Variants in GAB1 observed in about 807,000 individuals in gnomAD.
GAB1 encodes GRB2-associated-binding protein 1.
GAB1 carries 19 observed loss-of-function variants against 66.5 expected under a neutral mutation model. That is an observed-to-expected ratio of 0.29 (90% CI 0.20 to 0.42). The LOEUF (loss-of-function observed/expected upper bound fraction) is 0.42. Ranked by LOEUF, GAB1 falls within the 10% of genes least tolerant of loss-of-function variation. The pLI is 1.00. For synonymous variants in GAB1, 294 were observed against 301.4 expected (o/e 0.98, Z 0.25); for missense variants, 732 against 858.5 (o/e 0.85, Z 1.84).
intron 6 of GAB1, among the ~76,000 whole-genome samples, chr4:143,444,295 ATGT>A (rs1164856031): frequency 6.6e-6 from 1 of 152,034 alleles, no homozygotes; most frequent in African/African-American, 2.4e-5. Flanking sequence ...TGCTGTCTTT[ATGT>A]TGTTATGTTT....
chr4:143,364,661 A>C lies in GAB1; in HGVS notation c.72+27401A>C, dbSNP rs148116827. On this transcript the variant is annotated intron_variant, in intron 1 of 9. Transcript: ENST00000262994. ...GCCTCATCCTATGCGTGCTCATCAC[A>C]AGAGCATGTTTCTCCTTTGTTCTGG... Among the ~76,000 whole-genome samples, 428 of 152,178 alleles carry C rather than the reference A, an allele frequency of 2.8e-3. 1 individual carries two copies. The Middle Eastern group carries it at 0.031, about 11-fold the overall frequency.
At chr4:143,466,576 G>A (rs905720967) in intron 9 of GAB1, among the ~76,000 whole-genome samples, 18 of 130,808 alleles carry the variant, frequency 1.4e-4, no homozygotes, top group African/African-American at 4.7e-4. Flanking sequence ...TGCAACCTCC[G>A]CTTCCCAGGT....
chr4:143,357,101 G>A lies in GAB1; in HGVS notation c.72+19841G>A, dbSNP rs3805261. On this transcript the variant is annotated intron_variant, in intron 1 of 9. Coordinates refer to ENST00000262994, the MANE Select transcript of GAB1 (RefSeq NM_002039.4). Reference sequence around the variant, plus strand: ...TTTTGTCTTTGCAGAATTTAGTCCTGAAGCTCTTTCTGTGAGTCTAGCTGG... The same window carrying A: ...TTTTGTCTTTGCAGAATTTAGTCCTAAAGCTCTTTCTGTGAGTCTAGCTGG... 5.2e-4 allele frequency among the ~76,000 whole-genome samples: 79 copies of A among 152,194 alleles called. 2 individuals carry two copies. The East Asian group carries it at 0.015, about 28-fold the overall frequency.
intron 6 of GAB1, among the ~76,000 whole-genome samples, chr4:143,449,308 G>T (rs781073087): frequency 6.6e-6 from 1 of 151,320 alleles, no homozygotes; most frequent in Non-Finnish European, 1.5e-5. Context: ...TATTAGGTCC[G>T]CTTGGTGCAG....
At chr4:143,371,167 A>G (rs2149666275) in intron 1 of GAB1, among the ~76,000 whole-genome samples, 1 of 152,202 alleles carries the variant, frequency 6.6e-6, no homozygotes, top group Non-Finnish European at 1.5e-5. Flanking sequence ...TCCCACCAAC[A>G]GTGGAAAAGT....
At chr4:143,350,005 C>T (rs537784436) in intron 1 of GAB1, 34 of 1,571,688 alleles carry the variant, frequency 2.2e-5, no homozygotes, top group Non-Finnish European at 2.8e-5. Context: ...CTTGCCTCCG[C>T]GACCCCGGCC....
intron 1 of GAB1, among the ~76,000 whole-genome samples, chr4:143,373,122 C>G (rs1053668600): frequency 6.6e-6 from 1 of 152,034 alleles, no homozygotes; most frequent in Non-Finnish European, 1.5e-5. Context: ...GCTGTAAAGC[C>G]AGGTCTCCAG....
Position 143,337,053 on chromosome 4 carries a change from G to A in GAB1, c.-136G>A. On this transcript the variant is annotated 5_prime_UTR_variant, in exon 1 of 10. Transcript: ENST00000262994. Reference sequence around the variant, plus strand: ...GTGGAACCCGCGCACCGTGGAGTCTGTCCGCCCAGTCCGTCCGGGGTGCGC... The same window carrying A: ...GTGGAACCCGCGCACCGTGGAGTCTATCCGCCCAGTCCGTCCGGGGTGCGC... 4.2e-6 allele frequency: 3 copies of A among 708,566 alleles called. No homozygotes were observed. Among genetic ancestry groups the A allele is most frequent in the Non-Finnish European group, 7.1e-6 (3 of 423,302 alleles). The allele number at this position is 708,566 out of a possible 1,614,324, so 43.9% of individuals were successfully genotyped here.
intron 1 of GAB1, among the ~76,000 whole-genome samples, chr4:143,376,143 T>TA (rs1730407312): frequency 6.6e-6 from 1 of 152,122 alleles, no homozygotes; most frequent in Non-Finnish European, 1.5e-5. Flanking sequence ...CCTTTATACT[T>TA]ATGCTTTATA....
intron 2 of GAB1, among the ~76,000 whole-genome samples, chr4:143,416,077 A>G (rs546129988): frequency 5.3e-5 from 8 of 152,312 alleles, no homozygotes; most frequent in African/African-American, 1.9e-4. Flanking sequence ...ACCATATAAC[A>G]CTGTTGATAT....
chr4:143,470,945 T>C lies in GAB1; in HGVS notation c.*1756T>C, dbSNP rs1209495490. 2 of 152,218 alleles carry C rather than the reference T, an allele frequency of 1.3e-5. No individual in the cohort carries two copies. Among genetic ancestry groups the C allele is most frequent in the East Asian group, 3.8e-4 (2 of 5,200 alleles). The allele number at this position is 152,218 out of a possible 1,614,324, so 9.4% of individuals were successfully genotyped here. A position where few individuals can be genotyped will look rare whatever the true frequency, so the allele number is the denominator to read the frequency against. On this transcript the variant is annotated 3_prime_UTR_variant, in exon 10 of 10. Coordinates refer to ENST00000262994, the MANE Select transcript of GAB1 (RefSeq NM_002039.4). Reference sequence around the variant, plus strand: ...AAACTAAAACCCAGAAGTGAATTTTTAGGTGGATTTTTAAATAAAAAAGAT... The same window carrying C: ...AAACTAAAACCCAGAAGTGAATTTTCAGGTGGATTTTTAAATAAAAAAGAT...
intron 6 of GAB1, among the ~76,000 whole-genome samples, chr4:143,454,740 G>A (rs1482507740): frequency 6.6e-6 from 1 of 152,072 alleles, no homozygotes; most frequent in African/African-American, 2.4e-5. Flanking sequence ...AATTTAGTTG[G>A]CTACAACAAG....
At chr4:143,456,713 C>T (rs1735212227) in intron 6 of GAB1, among the ~76,000 whole-genome samples, 2 of 152,202 alleles carry the variant, frequency 1.3e-5, no homozygotes, top group South Asian at 4.1e-4. Context: ...AGGTAAGGTG[C>T]TAGATATCAG....
At chr4:143,433,755 G>A (rs370307911) in intron 3 of GAB1, 39 bp downstream of exon 3, 35 of 1,435,348 alleles carry the variant, frequency 2.4e-5, no homozygotes, top group African/African-American at 7.0e-5. Flanking sequence ...AGACAGAGGC[G>A]TGTGTATGTG....
In GAB1 at chr4:143,469,912, C is replaced by CA. The variant is rs1280520802; in HGVS notation, c.*726dup. 1.3e-5 allele frequency: 2 copies of CA among 152,692 alleles called. No homozygotes were observed. Among genetic ancestry groups the CA allele is most frequent in the Non-Finnish European group, 2.9e-5 (2 of 68,096 alleles). 9.5% of individuals were successfully genotyped at this position (152,692 alleles called of 1,614,324 possible). On this transcript the variant is annotated 3_prime_UTR_variant, in exon 10 of 10. Transcript: ENST00000262994. ...ATAATTACACTACCAAGTAAGCCTGCAAATCATTGATGGCATGCAGTGATG... is the reference window on the plus strand; with the variant it reads ...ATAATTACACTACCAAGTAAGCCTGCAAAATCATTGATGGCATGCAGTGATG...
intron 2 of GAB1, among the ~76,000 whole-genome samples, chr4:143,416,092 C>G (rs984899126): frequency 6.6e-6 from 1 of 152,184 alleles, no homozygotes; most frequent in East Asian, 1.9e-4. Flanking sequence ...TGATATTTTA[C>G]TATTTTTCAC....
At chr4:143,400,106 CATT>C (rs896462249) in intron 1 of GAB1, among the ~76,000 whole-genome samples, 1 of 151,972 alleles carries the variant, frequency 6.6e-6, no homozygotes, top group African/African-American at 2.4e-5. Context: ...ATGCCTGGCT[CATT>C]GTTTTGTATT....
chr4:143,422,420 A>G (rs1733078446), intron 2 of GAB1, among the ~76,000 whole-genome samples: 1 of 152,192 alleles, frequency 6.6e-6, no homozygotes, highest in Non-Finnish European at 1.5e-5. Context: ...GGGGATCACC[A>G]CAGTTTTATT....
chr4:143,426,643 A>G (rs1050461555), intron 2 of GAB1, among the ~76,000 whole-genome samples: 2 of 152,226 alleles, frequency 1.3e-5, no homozygotes, highest in African/African-American at 4.8e-5. Flanking sequence ...GTAATGCACA[A>G]TGCATAGGAG....
Sources: gnomAD v4.1 joint callset for allele counts (sites outside exome capture counted in the v4.1 genomes callset) on GRCh38, gnomAD v4.1.1 for gene constraint, MANE v1.5 for transcripts, NCBI Gene and HGNC (gene_info 2026-07-23, HGNC 2026-07-21) for gene names.